Variants in CLEC17A observed in about 807,000 individuals in gnomAD.
The protein encoded by CLEC17A is C-type lectin domain family 17, member A.
CLEC17A carries 37 observed loss-of-function variants against 61.3 expected under a neutral mutation model. The observed-to-expected ratio is 0.60, with a 90% CI of 0.46 to 0.79. The LOEUF is 0.79. CLEC17A is among the 30% of genes least tolerant of loss of function. The probability of loss-of-function intolerance (pLI) is 0.00; values close to 1 mark genes in which losing one functional copy is unlikely to be tolerated. For synonymous variants in CLEC17A, 168 were observed against 164.9 expected, an observed-to-expected ratio of 1.02 and a Z score of -0.14; for missense variants, 418 against 464.7, an observed-to-expected ratio of 0.90 and a Z score of 0.92.
chr19:14,592,864 C>G (rs570608427), intron 4 of CLEC17A, among the ~76,000 whole-genome samples: 1 of 152,162 alleles, frequency 6.6e-6, no homozygotes, highest in East Asian at 1.9e-4. Context: ...CAGGGTTTCA[C>G]CATATTGGCC....
rs571892405 is a variant in CLEC17A, at chr19:14,601,938, G to A, written c.894+1756G>A. On this transcript the variant is annotated intron_variant, in intron 12 of 13. Transcript: ENST00000417570. ...CTCCCGAGTAGCTGGGACTACAGGCGCCCGCCACCACACCCAGCTAATTTT... is the reference window on the plus strand; with the variant it reads ...CTCCCGAGTAGCTGGGACTACAGGCACCCGCCACCACACCCAGCTAATTTT... 4.6e-5 allele frequency among the ~76,000 whole-genome samples: 7 copies of A among 151,984 alleles called. No individual in the cohort carries two copies. In the East Asian group the frequency reaches 5.8e-4, roughly 13 times the overall value.
chr19:14,597,252 C>G, intron 10 of CLEC17A, 91 bp downstream of exon 10: 1 of 1,159,530 alleles, frequency 8.6e-7, no homozygotes, highest in Non-Finnish European at 1.3e-6. Flanking sequence ...TCATCCCCAT[C>G]TTTGCTGGGC....
chr19:14,599,080 T>C (rs1442402883), intron 10 of CLEC17A, among the ~76,000 whole-genome samples: 2 of 58,746 alleles, frequency 3.4e-5, no homozygotes, highest in Admixed American at 2.8e-4. Context: ...GTATCTTTGC[T>C]TTTTTTTTTT....
intron 12 of CLEC17A, among the ~76,000 whole-genome samples, chr19:14,603,929 C>G (rs773217352): frequency 6.6e-6 from 1 of 152,158 alleles, no homozygotes; most frequent in Non-Finnish European, 1.5e-5. Flanking sequence ...CAAGGACTCT[C>G]TAAATGTTAA....
At chr19:14,585,645 G>C (rs887941321) in intron 2 of CLEC17A, among the ~76,000 whole-genome samples, 1 of 147,472 alleles carries the variant, frequency 6.8e-6, no homozygotes, top group African/African-American at 2.5e-5. Flanking sequence ...GGCTCACATG[G>C]CAAGGAACTG....
chr19:14,593,440 A>G (rs1199061222), intron 4 of CLEC17A, among the ~76,000 whole-genome samples: 1 of 152,026 alleles, frequency 6.6e-6, no homozygotes, highest in Non-Finnish European at 1.5e-5. Context: ...GGAGCCCCAG[A>G]AAAGAGACCA....
intron 12 of CLEC17A, among the ~76,000 whole-genome samples, chr19:14,600,965 C>T (rs2074699559): frequency 8.2e-6 from 1 of 121,422 alleles, no homozygotes; most frequent in African/African-American, 3.2e-5. Flanking sequence ...TGCAGTGGTG[C>T]AATCTTGGCT....
intron 4 of CLEC17A, among the ~76,000 whole-genome samples, chr19:14,593,656 T>A (rs1268821089): frequency 4.6e-5 from 7 of 152,000 alleles, no homozygotes; most frequent in Non-Finnish European, 1.5e-5. Flanking sequence ...AGCAAGGCAC[T>A]GTCTTTAAAA....
upstream of CLEC17A, chr19:14,583,053 T>C: frequency 8.0e-7 from 1 of 1,256,596 alleles, no homozygotes; most frequent in Non-Finnish European, 1.1e-6. Flanking sequence ...GTATTTGACT[T>C]TGAAAGGAAA....
intron 2 of CLEC17A, among the ~76,000 whole-genome samples, chr19:14,587,263 T>TGTGTG (rs71733825): frequency 0.01 from 1,403 of 136,592 alleles, 24 homozygotes; most frequent in African/African-American, 0.034. Flanking sequence ...GTGTGTGTGT[T>TGTGTG]TGTGTTTGTG....
intron 12 of CLEC17A, among the ~76,000 whole-genome samples, chr19:14,603,279 G>A (rs879588669): frequency 1.3e-5 from 2 of 152,044 alleles, no homozygotes; most frequent in African/African-American, 4.8e-5. Flanking sequence ...GCACACATCG[G>A]GTCTTTGCTG....
chr19:14,595,982 GTA>G, intron 8 of CLEC17A, among the ~76,000 whole-genome samples: 1 of 152,162 alleles, frequency 6.6e-6, no homozygotes. Flanking sequence ...AATGTTGTTG[GTA>G]GAGATGATGG....
rs202194189 is a variant in CLEC17A at position 14,583,347 on chromosome 19, C to A, written c.44-10C>A. On this transcript the variant is annotated splice_polypyrimidine_tract_variant and intron_variant, in intron 1 of 13. Coordinates refer to ENST00000417570, the MANE Select transcript of CLEC17A (RefSeq NM_001204118.2). ...AATGGCTGGGCTCTGACTTGCCTTTCCCCTGGAAGGGACCATGGAGGAGGA... is the reference window on the plus strand; with the variant it reads ...AATGGCTGGGCTCTGACTTGCCTTTACCCTGGAAGGGACCATGGAGGAGGA... The A allele has an allele frequency of 7.0e-4, 1,131 of 1,608,698 alleles. 9 individuals carry two copies. The Middle Eastern group carries it at 8.1e-3, about 12-fold the overall frequency.
Position 14,583,087 on chromosome 19 carries a change from C to G in CLEC17A, c.-74C>G, listed in dbSNP as rs994503708. On this transcript the variant is annotated 5_prime_UTR_variant, in exon 1 of 14. Transcript: ENST00000417570. ...AAAGGGAACTGAGAGAGCCCCCAGA[C>G]GCCTGAGTCGGAGAGACAGGGGGCA... 1.3e-6 allele frequency: 2 copies of G among 1,541,138 alleles called. No individual in the cohort carries two copies. The highest frequency in any genetic ancestry group is 1.8e-6 in the Non-Finnish European group (2 of 1,119,114).
At chr19:14,607,799 C>A (rs2074938735) in intron 13 of CLEC17A, among the ~76,000 whole-genome samples, 1 of 151,614 alleles carries the variant, frequency 6.6e-6, no homozygotes, top group African/African-American at 2.4e-5. Context: ...TGGTCTTGAA[C>A]TCCTGACCTC....
At position 14,610,336 on chromosome 19, in the gene CLEC17A, A is replaced by C; in HGVS notation, c.*140A>C. 2 of 1,213,466 alleles carry C rather than the reference A, an allele frequency of 1.6e-6. No individual in the cohort carries two copies. Among genetic ancestry groups the C allele is most frequent in the Non-Finnish European group, 2.3e-6 (2 of 879,886 alleles). The allele number at this position is 1,213,466 out of a possible 1,614,324, so 75.2% of individuals were successfully genotyped here. A position where few individuals can be genotyped will look rare whatever the true frequency, so the allele number is the denominator to read the frequency against. ...ACAGGATTGGCACCCTGGATGCAGCAAGTTCCCAGGGGTGCAAGTCAGGCT... is the reference window on the plus strand; with the variant it reads ...ACAGGATTGGCACCCTGGATGCAGCCAGTTCCCAGGGGTGCAAGTCAGGCT... On this transcript the variant is annotated 3_prime_UTR_variant, in exon 14 of 14. Transcript: ENST00000417570.
chr19:14,607,240 T>C (rs1296936703), intron 13 of CLEC17A, 138 bp downstream of exon 13: 3 of 305,068 alleles, frequency 9.8e-6, no homozygotes, highest in Non-Finnish European at 1.8e-5. Flanking sequence ...AGTCTTGCTC[T>C]GTCGCCCAGG....
In CLEC17A at chr19:14,587,610, G is replaced by A. The variant is rs373742651; in HGVS notation, c.122-4G>A. 78 of 1,590,824 alleles carry A rather than the reference G, an allele frequency of 4.9e-5. No homozygotes were observed. The African/African-American group carries it at 7.5e-4, about 15-fold the overall frequency. ...TGGGCTCTGACTTGCCTTTCCCCTG[G>A]AAGGGACCATGGAGGAGGAGGAGGA... On this transcript the variant is annotated splice_polypyrimidine_tract_variant and splice_region_variant and intron_variant, in intron 2 of 13. Coordinates refer to ENST00000417570, the MANE Select transcript of CLEC17A (RefSeq NM_001204118.2).
chr19:14,592,005 C>G (rs1055512462), intron 3 of CLEC17A, among the ~76,000 whole-genome samples: 1 of 151,742 alleles, frequency 6.6e-6, no homozygotes, highest in African/African-American at 2.4e-5. Flanking sequence ...GAAAGGGAAA[C>G]AGACAGATGC....
Sources: allele counts gnomAD v4.1 joint callset (sites outside exome capture counted in the v4.1 genomes callset), GRCh38; gene constraint gnomAD v4.1.1; transcripts MANE v1.5; gene names NCBI Gene and HGNC (gene_info 2026-07-23, HGNC 2026-07-21).